The following UVRAG variants were observed in gnomAD, a reference collection of about 807,000 sequenced individuals.
UVRAG encodes the protein UV radiation resistance associated, also known as UV radiation resistance-associated gene protein.
In UVRAG, 19 loss-of-function variants were observed where a neutral mutation model predicts 78.0. The observed-to-expected ratio is 0.24, with a 90% CI of 0.17 to 0.36. The LOEUF (loss-of-function observed/expected upper bound fraction) is 0.36, where lower values mean the gene tolerates loss of function less well. Among genes scored for constraint, UVRAG ranks in the 10% least tolerant of loss-of-function variants. UVRAG has a pLI of 1.00. For missense variants in UVRAG, 740 were observed against 853.8 expected (o/e 0.87, Z 1.66); for synonymous variants, 323 against 324.6 (o/e 1.00, Z 0.05).
Position 76,067,537 on chromosome 11 carries a change from G to A in UVRAG, c.1305+1749G>A, listed in dbSNP as rs111892647. Among the ~76,000 whole-genome samples, 1,402 of 151,970 alleles carry A rather than the reference G, an allele frequency of 9.2e-3. 24 individuals carry two copies. Among genetic ancestry groups the A allele is most frequent in the African/African-American group, 0.032 (1,333 of 41,424 alleles). ...TTTGGGAGGCCGAGATGGGTGGATCGCTTGTGGCCAGGAGTTGGAGACCAG... is the reference window on the plus strand; with the variant it reads ...TTTGGGAGGCCGAGATGGGTGGATCACTTGTGGCCAGGAGTTGGAGACCAG... On this transcript the variant is annotated intron_variant, in intron 13 of 14. Coordinates refer to ENST00000356136, the MANE Select transcript of UVRAG (RefSeq NM_003369.4).
chr11:75,839,661 C>T (rs1378206948), intron 1 of UVRAG, among the ~76,000 whole-genome samples: 1 of 151,862 alleles, frequency 6.6e-6, no homozygotes, highest in East Asian at 1.9e-4. Flanking sequence ...CCTATATGTT[C>T]TTATATTTTC....
chr11:75,850,201 T>C (rs7105260), intron 1 of UVRAG, among the ~76,000 whole-genome samples: 11,678 of 152,256 alleles, frequency 0.077, 1,475 homozygotes, highest in African/African-American at 0.26. Context: ...CCTTTTGTTA[T>C]TTAGGCATGG....
chr11:76,133,206 A>G (rs1054218562), intron 14 of UVRAG, among the ~76,000 whole-genome samples: 8 of 152,190 alleles, frequency 5.3e-5, no homozygotes, highest in African/African-American at 1.9e-4. Flanking sequence ...TTTTACTTGT[A>G]TATCTCATTT....
chr11:75,978,486 C>T (rs1057087434), intron 7 of UVRAG, among the ~76,000 whole-genome samples: 2 of 152,098 alleles, frequency 1.3e-5, no homozygotes, highest in South Asian at 2.1e-4. Flanking sequence ...TCCATCCTCC[C>T]CATCACTTTC....
At chr11:75,899,529 C>T (rs1185493903) in intron 5 of UVRAG, among the ~76,000 whole-genome samples, 1 of 152,100 alleles carries the variant, frequency 6.6e-6, no homozygotes, top group African/African-American at 2.4e-5. Flanking sequence ...CTGCCCCAAG[C>T]AAGATGGCAT....
At chr11:76,058,826 A>G (rs1951029613) in intron 12 of UVRAG, among the ~76,000 whole-genome samples, 2 of 152,226 alleles carry the variant, frequency 1.3e-5, no homozygotes, top group Admixed American at 1.3e-4. Context: ...TTAAAAAGGA[A>G]TGTGACAACT....
At chr11:76,069,631 G>C (rs540961282) in intron 13 of UVRAG, among the ~76,000 whole-genome samples, 1 of 152,218 alleles carries the variant, frequency 6.6e-6, no homozygotes, top group Non-Finnish European at 1.5e-5. Flanking sequence ...ATATTTGTGG[G>C]AGCCTTATAG....
At chr11:76,018,614 G>C (rs1053921053) in intron 12 of UVRAG, among the ~76,000 whole-genome samples, 1 of 152,070 alleles carries the variant, frequency 6.6e-6, no homozygotes, top group African/African-American at 2.4e-5. Context: ...TCACCATGTT[G>C]GCCAGGATGG....
At chr11:75,972,797 T>C (rs1319484939) in intron 7 of UVRAG, among the ~76,000 whole-genome samples, 2 of 152,246 alleles carry the variant, frequency 1.3e-5, no homozygotes, top group Non-Finnish European at 2.9e-5. Flanking sequence ...AATAATTTGA[T>C]GGATAATTGG....
intron 13 of UVRAG, among the ~76,000 whole-genome samples, chr11:76,098,784 G>C (rs969134673): frequency 1.3e-5 from 2 of 151,816 alleles, no homozygotes; most frequent in African/African-American, 4.8e-5. Flanking sequence ...GATTTTTTTC[G>C]TACCCCCAAC....
chr11:75,987,262 GTTA>G (rs1300741927), intron 8 of UVRAG, among the ~76,000 whole-genome samples: 1 of 152,122 alleles, frequency 6.6e-6, no homozygotes, highest in Admixed American at 6.5e-5. Context: ...ACCAATATCT[GTTA>G]TTATCTCTCC....
At chr11:75,946,010 A>G (rs1022967544) in intron 6 of UVRAG, among the ~76,000 whole-genome samples, 3 of 152,048 alleles carry the variant, frequency 2.0e-5, no homozygotes, top group Non-Finnish European at 4.4e-5. Context: ...TGCTGTTATG[A>G]TTGTTTACAA....
intron 2 of UVRAG, among the ~76,000 whole-genome samples, chr11:75,857,066 G>A (rs970556739): frequency 6.6e-6 from 1 of 152,094 alleles, no homozygotes; most frequent in Admixed American, 6.5e-5. Context: ...ATCACTTCTT[G>A]CTATCTTCAA....
chr11:75,896,863 G>A (rs1947354812), intron 5 of UVRAG, among the ~76,000 whole-genome samples: 2 of 152,198 alleles, frequency 1.3e-5, no homozygotes, highest in South Asian at 2.1e-4. Context: ...AGGTGCAAAA[G>A]CATTAGACCA....
chr11:76,007,431 A>G, intron 9 of UVRAG, 103 bp from the exon 10 acceptor site: 1 of 897,740 alleles, frequency 1.1e-6, no homozygotes, highest in Non-Finnish European at 1.7e-6. Flanking sequence ...GTGGCCTATT[A>G]CAGACAGTAT....
intron 7 of UVRAG, among the ~76,000 whole-genome samples, chr11:75,978,210 G>C (rs528840849): frequency 6.0e-4 from 92 of 152,218 alleles, no homozygotes; most frequent in Middle Eastern, 6.8e-3. Context: ...CTCTTTTGTG[G>C]CTTGTAGAGT....
intron 14 of UVRAG, among the ~76,000 whole-genome samples, chr11:76,133,254 T>C (rs143888115): frequency 0.01 from 1,552 of 152,280 alleles, 34 homozygotes; most frequent in African/African-American, 0.035. Context: ...CTATAACCAT[T>C]TCACAGAAGA....
At chr11:76,053,448 C>T (rs1231370727) in intron 12 of UVRAG, among the ~76,000 whole-genome samples, 1 of 152,110 alleles carries the variant, frequency 6.6e-6, no homozygotes, top group Non-Finnish European at 1.5e-5. Context: ...TCATCTTTGA[C>T]TCCTCCCCTC....
At chr11:76,080,635 G>A (rs1951477945) in intron 13 of UVRAG, among the ~76,000 whole-genome samples, 2 of 151,976 alleles carry the variant, frequency 1.3e-5, no homozygotes, top group Admixed American at 6.6e-5. Flanking sequence ...TAATCTATTC[G>A]TTAGTACGTT....
Sources: gnomAD v4.1 joint callset for allele counts (sites outside exome capture counted in the v4.1 genomes callset) on GRCh38, gnomAD v4.1.1 for gene constraint, MANE v1.5 for transcripts, NCBI Gene and HGNC (gene_info 2026-07-23, HGNC 2026-07-21) for gene names.